The following FRAS1 variants were observed in gnomAD, a reference collection of about 807,000 sequenced individuals.
FRAS1 encodes extracellular matrix organizing protein FRAS1.
A neutral mutation model predicts 435.2 loss-of-function variants in FRAS1; 290 were observed. That is an observed-to-expected ratio of 0.67 (90% CI 0.61 to 0.73). FRAS1 has a LOEUF of 0.73. FRAS1 is among the 30% of genes least tolerant of loss of function. The pLI is 0.00. For synonymous variants in FRAS1, 1,800 were observed against 1,851.0 expected (o/e 0.97, Z 0.71); for missense variants, 4,860 against 5,001.5 (o/e 0.97, Z 0.85).
chr4:78,476,683 A>G (rs1396990871), intron 54 of FRAS1, among the ~76,000 whole-genome samples: 1 of 152,254 alleles, frequency 6.6e-6, no homozygotes, highest in Non-Finnish European at 1.5e-5. Flanking sequence ...AGGGAAAGAC[A>G]GAAGACTGTC....
rs1452956247 is a variant in FRAS1 at position 78,412,940 on chromosome 4, G to A, written c.4309-29G>A. 2.1e-6 allele frequency: 3 copies of A among 1,432,992 alleles called. No homozygotes were observed. The African/African-American group carries it at 4.3e-5, about 20-fold the overall frequency. The allele number at this position is 1,432,992 out of a possible 1,614,324, so 88.8% of individuals were successfully genotyped here. A position where few individuals can be genotyped will look rare whatever the true frequency, so the allele number is the denominator to read the frequency against. ...ACATGCTCTGCTCAATAGAAGATGA[G>A]AGGCTCACCAGGATGACTTTCTTTT... On this transcript the variant is annotated intron_variant, in intron 31 of 73. Coordinates refer to ENST00000512123, the MANE Select transcript of FRAS1 (RefSeq NM_025074.7).
intron 2 of FRAS1, chr4:78,181,274 T>G (rs1721987997): frequency 4.4e-6 from 7 of 1,606,774 alleles, no homozygotes; most frequent in Non-Finnish European, 6.0e-6. Flanking sequence ...ATCATTCTCC[T>G]TATTTTCAGT....
At position 78,541,718 on chromosome 4, in the gene FRAS1, T is replaced by TAAA. The variant is rs1722059856; in HGVS notation, c.*594_*595insAAA. Reference sequence around the variant, plus strand: ...AGCCCTTTTTACCTGGGGATTTCAGTGTGCTTAAGTAAAATCCTCTGAAAA... The same window carrying TAAA: ...AGCCCTTTTTACCTGGGGATTTCAGTAAAGTGCTTAAGTAAAATCCTCTGAAAA... On this transcript the variant is annotated 3_prime_UTR_variant, in exon 74 of 74. Coordinates refer to ENST00000512123, the MANE Select transcript of FRAS1 (RefSeq NM_025074.7). 6.6e-6 allele frequency: 1 copy of TAAA among 152,224 alleles called. No homozygotes were observed. Among genetic ancestry groups the TAAA allele is most frequent in the South Asian group, 2.1e-4 (1 of 4,836 alleles). 9.4% of individuals were successfully genotyped at this position (152,224 alleles called of 1,614,324 possible). A position where few individuals can be genotyped will look rare whatever the true frequency, so the allele number is the denominator to read the frequency against.
intron 2 of FRAS1, among the ~76,000 whole-genome samples, chr4:78,086,854 G>A (rs931172840): frequency 6.0e-5 from 9 of 149,794 alleles, no homozygotes; most frequent in Middle Eastern, 6.9e-3. Context: ...ACAAGGAGGA[G>A]CTGGTACCAT....
chr4:78,072,521 A>G (rs2109861359), intron 2 of FRAS1, among the ~76,000 whole-genome samples: 1 of 152,252 alleles, frequency 6.6e-6, no homozygotes, highest in Non-Finnish European at 1.5e-5. Flanking sequence ...CTGTTGAAAC[A>G]TCTTGAACTT....
intron 20 of FRAS1, among the ~76,000 whole-genome samples, chr4:78,343,610 A>G (rs1730486032): frequency 6.6e-6 from 1 of 152,110 alleles, no homozygotes; most frequent in Non-Finnish European, 1.5e-5. Context: ...GATTTTTCCC[A>G]TTTATTGTCA....
At chr4:78,424,343 A>G in intron 34 of FRAS1, 45 bp from the exon 35 acceptor site, 1 of 1,133,026 alleles carries the variant, frequency 8.8e-7, no homozygotes, top group Non-Finnish European at 1.2e-6. Context: ...TCTCTCTCTG[A>G]TCCCAAAGTG....
chr4:78,135,556 A>G (rs1719884509), intron 2 of FRAS1, among the ~76,000 whole-genome samples: 1 of 152,226 alleles, frequency 6.6e-6, no homozygotes, highest in Non-Finnish European at 1.5e-5. Flanking sequence ...TTCAGGAGAC[A>G]CTCACATTCC....
intron 32 of FRAS1, 59 bp from the exon 33 acceptor site, chr4:78,418,890 T>G: frequency 9.8e-7 from 1 of 1,021,982 alleles, no homozygotes; most frequent in South Asian, 1.5e-5. Context: ...GGTCTGTTTT[T>G]GCCTCTGGCT....
chr4:78,515,745 C>A, intron 65 of FRAS1, 54 bp from the exon 66 acceptor site: 1 of 1,548,202 alleles, frequency 6.5e-7, no homozygotes. Flanking sequence ...CCCCACCCTG[C>A]TCCTTGGCAT....
chr4:78,250,829 G>T (rs1725497757), intron 4 of FRAS1, among the ~76,000 whole-genome samples: 1 of 152,096 alleles, frequency 6.6e-6, no homozygotes, highest in Non-Finnish European at 1.5e-5. Flanking sequence ...TTTCATATCA[G>T]ATATTTAAAA....
intron 1 of FRAS1, among the ~76,000 whole-genome samples, chr4:78,065,164 G>A (rs1283521041): frequency 7.0e-6 from 1 of 143,056 alleles, no homozygotes; most frequent in Non-Finnish European, 1.5e-5. Flanking sequence ...TATATAGTGG[G>A]TATATATGTA....
intron 2 of FRAS1, among the ~76,000 whole-genome samples, chr4:78,176,796 A>G (rs1721794628): frequency 6.6e-6 from 1 of 152,228 alleles, no homozygotes; most frequent in African/African-American, 2.4e-5. Context: ...GTTGTTGGTA[A>G]AAATGTTAAT....
At chr4:78,322,143 A>G (rs931573873) in intron 18 of FRAS1, among the ~76,000 whole-genome samples, 1 of 152,156 alleles carries the variant, frequency 6.6e-6, no homozygotes, top group South Asian at 2.1e-4. Context: ...ATTGTTTCCA[A>G]CCTTACCTGA....
intron 4 of FRAS1, among the ~76,000 whole-genome samples, chr4:78,246,312 A>G (rs1419648643): frequency 6.6e-6 from 1 of 152,270 alleles, no homozygotes; most frequent in East Asian, 1.9e-4. Flanking sequence ...GATTTGATAT[A>G]TCTACTTGAG....
intron 65 of FRAS1, among the ~76,000 whole-genome samples, chr4:78,515,268 C>T (rs1451657629): frequency 9.3e-5 from 14 of 150,630 alleles, no homozygotes; most frequent in Admixed American, 7.3e-4. Flanking sequence ...GACTTTCCCC[C>T]GACAAGAGTT....
chr4:78,141,956 T>C (rs956944481), intron 2 of FRAS1, among the ~76,000 whole-genome samples: 3 of 151,924 alleles, frequency 2.0e-5, no homozygotes, highest in African/African-American at 7.3e-5. Flanking sequence ...GGCCTAAGAA[T>C]GATACAATGG....
At chr4:78,114,325 T>A (rs1013086363) in intron 2 of FRAS1, among the ~76,000 whole-genome samples, 1 of 152,194 alleles carries the variant, frequency 6.6e-6, no homozygotes, top group Non-Finnish European at 1.5e-5. Context: ...CTTTTTTTGG[T>A]TCCATATGAA....
intron 18 of FRAS1, among the ~76,000 whole-genome samples, chr4:78,322,739 CAGTGATCAAA>C (rs1729559539): frequency 6.6e-6 from 1 of 152,124 alleles, no homozygotes; most frequent in Admixed American, 6.5e-5. Flanking sequence ...TTAAAATTAA[CAGTGATCAAA>C]AGGAACACTA....
Sources: allele counts gnomAD v4.1 joint callset (sites outside exome capture counted in the v4.1 genomes callset), GRCh38; gene constraint gnomAD v4.1.1; transcripts MANE v1.5; gene names NCBI Gene and HGNC (gene_info 2026-07-23, HGNC 2026-07-21).